ATP6V1C1: variants seen among roughly 807,000 people sequenced by gnomAD.
The protein encoded by ATP6V1C1 is ATPase H+ transporting V1 subunit C1, also known as V-type proton ATPase subunit C 1.
Under a neutral mutation model 53.9 loss-of-function variants are expected in ATP6V1C1, and 45 were observed. That is an observed-to-expected ratio of 0.83 (90% CI 0.66 to 1.07). ATP6V1C1 has a LOEUF of 1.07. Ranked by LOEUF, ATP6V1C1 falls within the 50% of genes least tolerant of loss-of-function variation. The pLI is 0.00. For synonymous variants in ATP6V1C1, 153 were observed against 155.2 expected, an observed-to-expected ratio of 0.99 and a Z score of 0.11; for missense variants, 315 against 440.3, an observed-to-expected ratio of 0.72 and a Z score of 2.55.
intron 3 of ATP6V1C1, among the ~76,000 whole-genome samples, chr8:103,045,107 T>A (rs1817071606): frequency 6.6e-6 from 1 of 152,224 alleles, no homozygotes; most frequent in Non-Finnish European, 1.5e-5. Flanking sequence ...ATTTGTAAAG[T>A]ACAGAATTTG....
chr8:103,066,597 T>G, intron 12 of ATP6V1C1, 150 bp downstream of exon 12: 3 of 886,330 alleles, frequency 3.4e-6, no homozygotes, highest in Non-Finnish European at 4.8e-6. Flanking sequence ...GTAAACATAG[T>G]AATTTACATT....
intron 3 of ATP6V1C1, among the ~76,000 whole-genome samples, chr8:103,043,976 C>T (rs1201699914): frequency 6.6e-6 from 1 of 152,192 alleles, no homozygotes; most frequent in Non-Finnish European, 1.5e-5. Context: ...GCAGCCTCCG[C>T]CTCCTGGGTT....
chr8:103,044,431 T>C (rs978621350), intron 3 of ATP6V1C1, among the ~76,000 whole-genome samples: 2 of 152,214 alleles, frequency 1.3e-5, no homozygotes, highest in African/African-American at 4.8e-5. Flanking sequence ...AGGGTCCAAC[T>C]TGATTCTTTT....
At chr8:103,046,313 C>T (rs1331587721) in intron 3 of ATP6V1C1, among the ~76,000 whole-genome samples, 3 of 151,986 alleles carry the variant, frequency 2.0e-5, no homozygotes, top group African/African-American at 7.3e-5. Flanking sequence ...CTCAAGCAGT[C>T]CTTTTACCTC....
At chr8:103,022,904 C>T (rs779729415) in intron 1 of ATP6V1C1, among the ~76,000 whole-genome samples, 6 of 151,918 alleles carry the variant, frequency 3.9e-5, no homozygotes, top group African/African-American at 1.5e-4. Flanking sequence ...AAAAAAATAA[C>T]TAGCTGGGAG....
chr8:103,036,499 C>A lies in ATP6V1C1; in HGVS notation c.-39-4299C>A, dbSNP rs533933958. On this transcript the variant is annotated intron_variant, in intron 1 of 12. Coordinates refer to ENST00000518738, the MANE Select transcript of ATP6V1C1 (RefSeq NM_001695.5). The stretch of plus-strand genomic sequence containing the variant: ...GCTGGGAGTTTGAGACCAACCTGAA[C>A]AACATATCAAGACTCCATCTCTACA... 4.6e-5 allele frequency among the ~76,000 whole-genome samples: 7 copies of A among 152,252 alleles called. No homozygotes were observed. The South Asian group carries it at 1.5e-3, about 32-fold the overall frequency.
chr8:103,022,355 G>A (rs1816612673), intron 1 of ATP6V1C1, among the ~76,000 whole-genome samples: 3 of 152,122 alleles, frequency 2.0e-5, no homozygotes, highest in Admixed American at 2.0e-4. Context: ...CGGAGAAGTG[G>A]GAAAGAAAGT....
intron 8 of ATP6V1C1, among the ~76,000 whole-genome samples, chr8:103,057,454 A>G (rs1304497186): frequency 6.6e-6 from 1 of 152,226 alleles, no homozygotes; most frequent in Admixed American, 6.5e-5. Context: ...CAGACAGCCA[A>G]TTTCCCATCT....
intron 1 of ATP6V1C1, among the ~76,000 whole-genome samples, chr8:103,034,911 G>C (rs565440844): frequency 1.3e-5 from 2 of 152,170 alleles, no homozygotes; most frequent in African/African-American, 4.8e-5. Context: ...TAAGTGACAA[G>C]TTGAGAGCGG....
intron 8 of ATP6V1C1, among the ~76,000 whole-genome samples, chr8:103,061,436 T>G (rs939578093): frequency 2.0e-5 from 3 of 152,198 alleles, no homozygotes; most frequent in African/African-American, 4.8e-5. Flanking sequence ...AAACTACACT[T>G]GCTTTAAACA....
chr8:103,060,654 G>A (rs1198329870), intron 8 of ATP6V1C1, among the ~76,000 whole-genome samples: 1 of 152,214 alleles, frequency 6.6e-6, no homozygotes, highest in African/African-American at 2.4e-5. Context: ...AGGACTCGTG[G>A]TTTATTTTTT....
chr8:103,039,043 A>G (rs1816947664), intron 1 of ATP6V1C1, among the ~76,000 whole-genome samples: 1 of 152,212 alleles, frequency 6.6e-6, no homozygotes, highest in African/African-American at 2.4e-5. Context: ...AAAAGTCCAT[A>G]TACAGTACAG....
Position 103,072,540 on chromosome 8 carries a change from T to A in ATP6V1C1, c.*3793T>A, listed in dbSNP as rs554756658. On this transcript the variant is annotated 3_prime_UTR_variant, in exon 13 of 13. Coordinates refer to ENST00000518738, the MANE Select transcript of ATP6V1C1 (RefSeq NM_001695.5). ...TCTGGAGGAAACCTAGCAAAAACTT[T>A]GCTAGTTTAGTACTTGTCTCTAAAT... The A allele has an allele frequency of 1.3e-5, 2 of 152,250 alleles. No homozygotes were observed. Among genetic ancestry groups the A allele is most frequent in the South Asian group, 2.1e-4 (1 of 4,834 alleles). The allele number at this position is 152,250 out of a possible 1,614,324, so 9.4% of individuals were successfully genotyped here.
chr8:103,051,898 C>A (rs1383969803), intron 5 of ATP6V1C1, among the ~76,000 whole-genome samples: 1 of 152,064 alleles, frequency 6.6e-6, no homozygotes, highest in Non-Finnish European at 1.5e-5. Context: ...GACAGACTTT[C>A]CTTGGCTCCC....
intron 1 of ATP6V1C1, among the ~76,000 whole-genome samples, chr8:103,039,568 AGT>A (rs1401070275): frequency 6.6e-6 from 1 of 152,218 alleles, no homozygotes; most frequent in Non-Finnish European, 1.5e-5. Context: ...TTAAATAAGC[AGT>A]GTTAGCAGAA....
chr8:103,052,814 A>G lies in ATP6V1C1; in HGVS notation c.465A>G (p.Arg155=), dbSNP rs771068742. ...AAGGAAATCTTCAGAATTTGGAACG[A>G]AAGAATGCGTAAGCAGATCAAGTAT... ...NLKGNLQNLE[R]KNAGSLLTRS... Residue 155 remains arginine, a synonymous_variant, in exon 6 of 13, where the codon CGA becomes CGG. Transcript: ENST00000518738. The G allele has an allele frequency of 6.3e-7, 1 of 1,587,394 alleles. No homozygotes were observed. The highest frequency in any genetic ancestry group is 2.3e-5 in the East Asian group (1 of 43,460).
chr8:103,061,496 A>T (rs973227424), intron 8 of ATP6V1C1, among the ~76,000 whole-genome samples: 25 of 152,162 alleles, frequency 1.6e-4, no homozygotes, highest in African/African-American at 5.8e-4. Context: ...CCATTTTGTA[A>T]AATTTCCTTT....
rs901496768 is a variant in ATP6V1C1, at chr8:103,042,285, G to A, written c.133-55G>A. The A allele has an allele frequency of 4.4e-6, 5 of 1,132,838 alleles. No individual in the cohort carries two copies. The African/African-American group carries it at 6.4e-5, about 15-fold the overall frequency. The allele number at this position is 1,132,838 out of a possible 1,614,324, so 70.2% of individuals were successfully genotyped here. ...ACTTTAGGTCAAGATGAATCATCTT[G>A]TTTTTTTTTTTTAAAAAAGCATGCC... On this transcript the variant is annotated intron_variant, in intron 2 of 12. Coordinates refer to ENST00000518738, the MANE Select transcript of ATP6V1C1 (RefSeq NM_001695.5).
intron 3 of ATP6V1C1, among the ~76,000 whole-genome samples, chr8:103,046,214 T>C (rs1464125175): frequency 6.6e-6 from 1 of 152,110 alleles, no homozygotes. Flanking sequence ...AAATTTTATT[T>C]ATTTTTTTTT....
Sources: allele counts gnomAD v4.1 joint callset (sites outside exome capture counted in the v4.1 genomes callset), GRCh38; gene constraint gnomAD v4.1.1; transcripts MANE v1.5; gene names NCBI Gene and HGNC (gene_info 2026-07-23, HGNC 2026-07-21).